TSGA10: variants seen among roughly 807,000 people sequenced by gnomAD.
TSGA10 encodes testis specific 10.
In TSGA10, 43 loss-of-function variants were observed where a neutral mutation model predicts 96.6. The observed-to-expected ratio is 0.44, with a 90% CI of 0.35 to 0.57. The LOEUF (loss-of-function observed/expected upper bound fraction) is 0.57, where lower values mean the gene tolerates loss of function less well. Among genes scored for constraint, TSGA10 ranks in the 20% least tolerant of loss-of-function variants. The pLI, the probability that TSGA10 is intolerant of heterozygous loss-of-function variation, is 0.01. For missense variants in TSGA10, 703 were observed against 834.4 expected (o/e 0.84, Z 1.94); for synonymous variants, 229 against 269.9 (o/e 0.85, Z 1.48).
chr2:99,124,735 CCA>C (rs1211461423), intron 2 of TSGA10: 1 of 152,100 alleles, frequency 6.6e-6, no homozygotes, highest in Non-Finnish European at 1.5e-5. Flanking sequence ...CAGGCACCCA[CCA>C]CCATGCCCGG....
At chr2:99,023,734 T>C (rs1179028642) in intron 17 of TSGA10, among the ~76,000 whole-genome samples, 1 of 152,254 alleles carries the variant, frequency 6.6e-6, no homozygotes, top group Non-Finnish European at 1.5e-5. Context: ...GGACTCTGAA[T>C]TCTGTTCCAT....
At chr2:99,153,941 A>G (rs1390991188) in intron 1 of TSGA10, among the ~76,000 whole-genome samples, 3 of 152,236 alleles carry the variant, frequency 2.0e-5, no homozygotes, top group African/African-American at 7.2e-5. Context: ...TGCAAGGTTG[A>G]AAAAGGTGAC....
intron 1 of TSGA10, among the ~76,000 whole-genome samples, chr2:99,146,555 A>T (rs1402933528): frequency 6.6e-6 from 1 of 152,106 alleles, no homozygotes; most frequent in Non-Finnish European, 1.5e-5. Context: ...TCTTCACTCC[A>T]AGGTAACAGA....
At position 99,154,921 on chromosome 2, in the gene TSGA10, G is replaced by T; in HGVS notation, c.-849C>A. The T allele has an allele frequency of 2.3e-6, 1 of 441,180 alleles. No individual in the cohort carries two copies. Among genetic ancestry groups the T allele is most frequent in the Non-Finnish European group, 4.6e-6 (1 of 218,654 alleles). 27.3% of individuals were successfully genotyped at this position (441,180 alleles called of 1,614,324 possible). A position where few individuals can be genotyped will look rare whatever the true frequency, so the allele number is the denominator to read the frequency against. ...ATCCCTGCGCGCCCCTCCTTCTCTT[G>T]CGCTTCAGGGGGCCGGCCCTCAGGG... On this transcript the variant is annotated 5_prime_UTR_variant, in exon 1 of 21. Transcript: ENST00000393483.
intron 4 of TSGA10, among the ~76,000 whole-genome samples, chr2:99,114,983 TA>T (rs1317749470): frequency 6.6e-6 from 1 of 152,194 alleles, no homozygotes; most frequent in Admixed American, 6.6e-5. Flanking sequence ...TTGCTCAGGC[TA>T]GAGCGTGACG....
intron 20 of TSGA10, among the ~76,000 whole-genome samples, chr2:99,001,599 C>T (rs1311305183): frequency 6.6e-6 from 1 of 152,132 alleles, no homozygotes; most frequent in African/African-American, 2.4e-5. Context: ...CACAGCTCCC[C>T]ACCAGCAACA....
At chr2:99,014,103 C>T (rs1201161803) in intron 20 of TSGA10, among the ~76,000 whole-genome samples, 3 of 152,056 alleles carry the variant, frequency 2.0e-5, no homozygotes, top group South Asian at 2.1e-4. Context: ...TGCAGTGAAC[C>T]GAGATTGTGC....
intron 17 of TSGA10, among the ~76,000 whole-genome samples, chr2:99,029,879 C>T (rs372149859): frequency 6.6e-6 from 1 of 152,018 alleles, no homozygotes; most frequent in Non-Finnish European, 1.5e-5. Context: ...TGCTTAAGTA[C>T]GAAACAGTGC....
intron 10 of TSGA10, chr2:99,102,770 C>T (rs1443284803): frequency 1.2e-5 from 18 of 1,563,564 alleles, no homozygotes; most frequent in Non-Finnish European, 1.6e-5. Context: ...ATACTACTTA[C>T]TGGTTTGGGA....
intron 15 of TSGA10, among the ~76,000 whole-genome samples, chr2:99,067,826 A>G (rs1246187116): frequency 6.6e-6 from 1 of 151,816 alleles, no homozygotes; most frequent in Non-Finnish European, 1.5e-5. Context: ...CAGCCTGGCA[A>G]TACAGTGAGC....
intron 17 of TSGA10, among the ~76,000 whole-genome samples, chr2:99,024,963 C>T (rs780632355): frequency 6.6e-6 from 1 of 152,042 alleles, no homozygotes. Flanking sequence ...GTTGTTAAAC[C>T]AACCCAGCAT....
chr2:99,134,647 A>C (rs2093249302), intron 1 of TSGA10, among the ~76,000 whole-genome samples: 1 of 152,100 alleles, frequency 6.6e-6, no homozygotes, highest in African/African-American at 2.4e-5. Flanking sequence ...AATCCTTTAG[A>C]GGAGAAGAGG....
intron 20 of TSGA10, among the ~76,000 whole-genome samples, chr2:99,011,012 C>T (rs1161116463): frequency 1.3e-5 from 2 of 152,142 alleles, no homozygotes; most frequent in Admixed American, 1.3e-4. Context: ...ATAACATAAG[C>T]CCATTGGCCT....
At chr2:99,100,085 TA>T (rs1391855799) in intron 10 of TSGA10, among the ~76,000 whole-genome samples, 12 of 152,110 alleles carry the variant, frequency 7.9e-5, no homozygotes, top group African/African-American at 2.7e-4. Flanking sequence ...TCAAATAACA[TA>T]AAAATAAATG....
chr2:99,006,480 T>C (rs1049860622), intron 20 of TSGA10, among the ~76,000 whole-genome samples: 7 of 152,044 alleles, frequency 4.6e-5, no homozygotes, highest in Middle Eastern at 3.4e-3. Context: ...AAAAAGTGGG[T>C]GAAGGATATG....
chr2:99,092,646 T>C (rs1445782273), intron 10 of TSGA10, among the ~76,000 whole-genome samples: 7 of 152,070 alleles, frequency 4.6e-5, no homozygotes, highest in African/African-American at 1.7e-4. Flanking sequence ...TACAAACACC[T>C]TCACACGCAT....
intron 16 of TSGA10, among the ~76,000 whole-genome samples, chr2:99,060,564 T>C (rs1247499654): frequency 6.6e-6 from 1 of 152,120 alleles, no homozygotes; most frequent in African/African-American, 2.4e-5. Flanking sequence ...AAACCCCAAG[T>C]AGGTTTTTTT....
chr2:99,087,154 A>G (rs2088598021), intron 10 of TSGA10, among the ~76,000 whole-genome samples: 1 of 151,944 alleles, frequency 6.6e-6, no homozygotes, highest in Admixed American at 6.6e-5. Context: ...CAGTGAGCCA[A>G]GATCATGCCA....
chr2:99,096,551 A>G lies in TSGA10; in HGVS notation c.611+7416T>C, dbSNP rs556064219. Among the ~76,000 whole-genome samples, 66 of 152,336 alleles carry G rather than the reference A, an allele frequency of 4.3e-4. 1 individual carries two copies. In the South Asian group the frequency reaches 0.013, roughly 29 times the overall value. Reference sequence around the variant, plus strand: ...TGGCAGCAGTGTCAACATTTCCATGACAGCTATTTCTTCCTTAATTCCCTT... The same window carrying G: ...TGGCAGCAGTGTCAACATTTCCATGGCAGCTATTTCTTCCTTAATTCCCTT... On this transcript the variant is annotated intron_variant, in intron 10 of 20. Coordinates refer to ENST00000393483, the MANE Select transcript of TSGA10 (RefSeq NM_025244.4).
Sources: allele counts gnomAD v4.1 joint callset (sites outside exome capture counted in the v4.1 genomes callset), GRCh38; gene constraint gnomAD v4.1.1; transcripts MANE v1.5; gene names NCBI Gene and HGNC (gene_info 2026-07-23, HGNC 2026-07-21).